CCDC124: variants seen among roughly 807,000 people sequenced by gnomAD.
CCDC124 encodes the protein coiled-coil domain containing 124, also known as coiled-coil domain-containing protein 124.
Under a neutral mutation model 19.8 loss-of-function variants are expected in CCDC124, and 9 were observed. The ratio of observed to expected loss-of-function variants is 0.45; its 90% CI spans 0.27 to 0.79. The LOEUF (loss-of-function observed/expected upper bound fraction) is 0.79. CCDC124 is among the 30% of genes least tolerant of loss of function. CCDC124 has a pLI of 0.14. For missense variants in CCDC124, 285 were observed against 319.0 expected, an observed-to-expected ratio of 0.89 and a Z score of 0.81; for synonymous variants, 126 against 131.3, an observed-to-expected ratio of 0.96 and a Z score of 0.27.
intron 1 of CCDC124, among the ~76,000 whole-genome samples, chr19:17,933,369 A>C (rs1269377543): frequency 6.6e-6 from 1 of 152,214 alleles, no homozygotes; most frequent in East Asian, 1.9e-4. Context: ...GGGGGACTTC[A>C]AAAGGGATAG....
chr19:17,943,241 T>TCGGGGGGGCCCCCCCCCC lies in CCDC124; in HGVS notation c.350-19_350-18insGGGGGGGCCCCCCCCCCC. On this transcript the variant is annotated intron_variant, in intron 3 of 4. Transcript: ENST00000445755. Reference sequence around the variant, plus strand: ...CTTTGCTTATCTCTCTCTGTCTCTGTCACCCACCCACCCGCCCAGCCGAGA... The same window carrying TCGGGGGGGCCCCCCCCCC: ...CTTTGCTTATCTCTCTCTGTCTCTGTCGGGGGGGCCCCCCCCCCCACCCACCCACCCGCCCAGCCGAGA... The TCGGGGGGGCCCCCCCCCC allele has an allele frequency of 1.4e-6, 1 of 736,676 alleles. No individual in the cohort carries two copies. The allele number at this position is 736,676 out of a possible 1,614,324, so 45.6% of individuals were successfully genotyped here.
rs1009130912 is a variant in CCDC124, at chr19:17,942,409, C to G, written c.160-247C>G. Among the ~76,000 whole-genome samples the G allele has an allele frequency of 6.6e-6, 1 of 152,184 alleles. No individual in the cohort carries two copies. The highest frequency in any genetic ancestry group is 2.4e-5 in the African/African-American group (1 of 41,450). ...CTGTTCCCCAGCTCTCCCCCTTGGC[C>G]GGCGCTCTTCGCACCTAGGAGCGTC... On this transcript the variant is annotated intron_variant, in intron 2 of 4. Transcript: ENST00000445755. This position sits in a 1 kb window ranked among gnomAD's most constrained non-coding sequence, Gnocchi z 4.2.
Position 17,942,692 on chromosome 19 carries a change from C to T in CCDC124, c.196C>T (p.Arg66Cys), listed in dbSNP as rs1568439386. 1.9e-6 allele frequency: 3 copies of T among 1,556,332 alleles called. No individual in the cohort carries two copies. Among genetic ancestry groups the T allele is most frequent in the Non-Finnish European group, 1.7e-6 (2 of 1,150,064 alleles). ...KEKRRLDQLE[R>C]KKETQRLLEE... ...GAAGCGGCGCCTCGACCAGCTGGAA[C>T]GTAAGAAGGAGACGCAGCGCCTACT... The change falls in exon 3 of 5, where the codon CGT (arginine) becomes TGT (cysteine). Residue 66 changes from arginine (R) to cysteine (C), a missense_variant. Transcript: ENST00000445755. This position sits in a 1 kb window ranked among gnomAD's most constrained non-coding sequence, Gnocchi z 4.2.
chr19:17,936,241 C>A, intron 1 of CCDC124, 169 bp from the exon 2 acceptor site: 1 of 576,990 alleles, frequency 1.7e-6, no homozygotes, highest in Non-Finnish European at 3.0e-6. Context: ...GTGAATTTTG[C>A]CTTAATAAAC....
Position 17,940,767 on chromosome 19 carries a change from G to A in CCDC124, c.160-1889G>A, listed in dbSNP as rs866945281. The stretch of plus-strand genomic sequence containing the variant: ...TCCACCTAAAAAAAAAAAAAAAAGG[G>A]CCGGGCGCGGTAACTCATTCCTGTA... On this transcript the variant is annotated intron_variant, in intron 2 of 4. Transcript: ENST00000445755. Among the ~76,000 whole-genome samples, 299 of 147,900 alleles carry A rather than the reference G, an allele frequency of 2.0e-3. 2 individuals carry two copies. The highest frequency in any genetic ancestry group is 7.1e-3 in the African/African-American group (282 of 39,922).
Position 17,943,784 on chromosome 19 carries a change from G to C in CCDC124, c.*69G>C. On this transcript the variant is annotated 3_prime_UTR_variant, in exon 5 of 5. Coordinates refer to ENST00000445755, the MANE Select transcript of CCDC124 (RefSeq NM_001136203.2). ...CACGACTCTGCACGCCCTTAGGCCAGGTCAGCTGCGAGGGTCACAGAGCGT... is the reference window on the plus strand; with the variant it reads ...CACGACTCTGCACGCCCTTAGGCCACGTCAGCTGCGAGGGTCACAGAGCGT... 6.7e-7 allele frequency: 1 copy of C among 1,487,698 alleles called. No individual in the cohort carries two copies. The highest frequency in any genetic ancestry group is 1.2e-5 in the South Asian group (1 of 85,054). The allele number at this position is 1,487,698 out of a possible 1,614,324, so 92.2% of individuals were successfully genotyped here. A position where few individuals can be genotyped will look rare whatever the true frequency, so the allele number is the denominator to read the frequency against.
At chr19:17,935,919 C>A (rs751547538) in intron 1 of CCDC124, among the ~76,000 whole-genome samples, 1 of 143,276 alleles carries the variant, frequency 7.0e-6, no homozygotes, top group Non-Finnish European at 1.5e-5. Flanking sequence ...TTTTTCCTTT[C>A]ATTGAGACGG....
intron 2 of CCDC124, among the ~76,000 whole-genome samples, chr19:17,937,535 C>G (rs1377305745): frequency 6.6e-6 from 1 of 152,084 alleles, no homozygotes. Flanking sequence ...GTTGTCATAA[C>G]TCGGGGAGAG....
intron 2 of CCDC124, 71 bp downstream of exon 2, chr19:17,936,650 G>A: frequency 6.6e-7 from 1 of 1,523,642 alleles, no homozygotes; most frequent in Non-Finnish European, 8.9e-7. Context: ...TGTCAATGTG[G>A]GTGAATAGCG....
Position 17,942,607 on chromosome 19 carries a change from G to C in CCDC124, c.160-49G>C. On this transcript the variant is annotated intron_variant, in intron 2 of 4. Coordinates refer to ENST00000445755, the MANE Select transcript of CCDC124 (RefSeq NM_001136203.2). The surrounding 1 kb of genome is among the most constrained non-coding windows in gnomAD (Gnocchi z 4.2). The stretch of plus-strand genomic sequence containing the variant: ...AACTCGAACCCCAGGCTAGTGGGTG[G>C]CGCGGGGGTGTGGGGTCTTCTGCCT... 1.3e-6 allele frequency: 2 copies of C among 1,539,436 alleles called. No homozygotes were observed. The highest frequency in any genetic ancestry group is 1.8e-6 in the Non-Finnish European group (2 of 1,139,952).
chr19:17,934,507 C>T (rs1599959744), intron 1 of CCDC124, among the ~76,000 whole-genome samples: 1 of 151,908 alleles, frequency 6.6e-6, no homozygotes, highest in Non-Finnish European at 1.5e-5. Flanking sequence ...AACGAAGGGC[C>T]AGGCGCAGTG....
intron 2 of CCDC124, among the ~76,000 whole-genome samples, chr19:17,941,040 C>T (rs2031168902): frequency 6.6e-6 from 1 of 151,074 alleles, no homozygotes; most frequent in Admixed American, 6.6e-5. Flanking sequence ...GAGCAAGGTT[C>T]CGTCTCGAAA....
At chr19:17,937,874 C>CG (rs2031099000) in intron 2 of CCDC124, among the ~76,000 whole-genome samples, 1 of 152,198 alleles carries the variant, frequency 6.6e-6, no homozygotes, top group South Asian at 2.1e-4. Context: ...GCTGGAATTA[C>CG]GGGCATGTGC....
Position 17,943,937 on chromosome 19 carries a change from C to G in CCDC124, c.*222C>G, listed in dbSNP as rs2031252568. On this transcript the variant is annotated 3_prime_UTR_variant, in exon 5 of 5. Coordinates refer to ENST00000445755, the MANE Select transcript of CCDC124 (RefSeq NM_001136203.2). ...ATCCCCCGGCGCGTGTGTGTAGAGC[C>G]TCAGGGCTGAGTGCCCAATAAAGGT... 3 of 587,474 alleles carry G rather than the reference C, an allele frequency of 5.1e-6. No homozygotes were observed. The highest frequency in any genetic ancestry group is 9.1e-6 in the Non-Finnish European group (3 of 329,848). The allele number at this position is 587,474 out of a possible 1,614,324, so 36.4% of individuals were successfully genotyped here.
intron 1 of CCDC124, among the ~76,000 whole-genome samples, chr19:17,934,428 A>G (rs535214456): frequency 1.3e-5 from 2 of 151,994 alleles, no homozygotes; most frequent in South Asian, 4.2e-4. Flanking sequence ...CCAAATGTCT[A>G]GCTGTGGACA....
chr19:17,943,656 C>T lies in CCDC124; in HGVS notation c.613C>T (p.Leu205Phe), dbSNP rs769047365. 1 of 1,612,950 alleles carries T rather than the reference C, an allele frequency of 6.2e-7. No homozygotes were observed. The highest frequency in any genetic ancestry group is 8.5e-7 in the Non-Finnish European group (1 of 1,179,962). The change falls in exon 5 of 5, where the codon CTC (leucine) becomes TTC (phenylalanine). Residue 205 changes from leucine to phenylalanine, a missense_variant. Leu to Phe is a conservative substitution (Grantham distance 22). Coordinates refer to ENST00000445755, the MANE Select transcript of CCDC124 (RefSeq NM_001136203.2). The stretch of plus-strand genomic sequence containing the variant: ...GAAACAGCTGCTCAAGAAGGAGTGG[C>T]TCCGCTCTCCTGACAACCCCATGAA... ...QLKQLLKKEWLRSPDNPMNQR... is the reference protein window; with the variant it reads ...QLKQLLKKEWFRSPDNPMNQR...
chr19:17,943,812 C>CG lies in CCDC124; in HGVS notation c.*102dup, dbSNP rs1049127090. The CG allele has an allele frequency of 9.3e-6, 11 of 1,186,080 alleles. No homozygotes were observed. The African/African-American group carries it at 1.4e-4, about 15-fold the overall frequency. 73.5% of individuals were successfully genotyped at this position (1,186,080 alleles called of 1,614,324 possible). A position where few individuals can be genotyped will look rare whatever the true frequency, so the allele number is the denominator to read the frequency against. ...CAGCTGCGAGGGTCACAGAGCGTTC[C>CG]GGGGGCCAAGGCGCCGGGCCCCGGG... On this transcript the variant is annotated 3_prime_UTR_variant, in exon 5 of 5. Transcript: ENST00000445755.
chr19:17,943,356 G>A lies in CCDC124; in HGVS notation c.445G>A (p.Asp149Asn). Reference protein sequence around the residue: ...EGSVEARTIEDAIAVLSVAEE... With the variant: ...EGSVEARTIENAIAVLSVAEE... ...CAGCGTGGAGGCGCGCACCATCGAGGACGCCATTGCAGTGCTCAGGTAACG... is the reference window on the plus strand; with the variant it reads ...CAGCGTGGAGGCGCGCACCATCGAGAACGCCATTGCAGTGCTCAGGTAACG... The change falls in exon 4 of 5, where the codon GAC (aspartate) becomes AAC (asparagine). Residue 149 changes from aspartate to asparagine, a missense_variant. Coordinates refer to ENST00000445755, the MANE Select transcript of CCDC124 (RefSeq NM_001136203.2). 4 of 1,572,734 alleles carry A rather than the reference G, an allele frequency of 2.5e-6. No homozygotes were observed. The highest frequency in any genetic ancestry group is 3.4e-6 in the Non-Finnish European group (4 of 1,161,744).
intron 1 of CCDC124, among the ~76,000 whole-genome samples, chr19:17,935,601 AGAGTGAGTCTCACT>A (rs2147778053): frequency 6.7e-6 from 1 of 150,008 alleles, no homozygotes; most frequent in East Asian, 2.0e-4. Context: ...GTTTTTTTTG[AGAGTGAGTCTCACT>A]CTGCCGCCTA....
Sources: gnomAD v4.1 joint callset for allele counts (sites outside exome capture counted in the v4.1 genomes callset) on GRCh38, gnomAD v4.1.1 for gene constraint, Gnocchi (gnomAD v3.1) non-coding constraint, MANE v1.5 for transcripts, NCBI Gene and HGNC (gene_info 2026-07-23, HGNC 2026-07-21) for gene names.